Variants in GPX2 observed in about 807,000 individuals in gnomAD.
GPX2 encodes glutathione peroxidase 2, also known as gastrointestinal glutathione peroxidase.
In GPX2, 21 loss-of-function variants were observed where a neutral mutation model predicts 14.1. The observed-to-expected ratio is 1.48, with a 90% CI of 1.05 to 2.14. The LOEUF is 2.14. Among genes scored for constraint, GPX2 ranks in the 30% most tolerant of loss-of-function variants. The pLI is 0.00. For missense variants in GPX2, 241 were observed against 249.8 expected, an observed-to-expected ratio of 0.96 and a Z score of 0.24; for synonymous variants, 94 against 95.2, an observed-to-expected ratio of 0.99 and a Z score of 0.07.
chr14:64,939,667 A>C lies in GPX2; in HGVS notation c.394T>G (p.Ser132Ala). Residue 132 changes from serine to alanine, a missense_variant, in exon 2 of 2, where the codon TCC (serine) becomes GCC (alanine). By Grantham distance (99) the Ser-to-Ala change is moderately conservative. Coordinates refer to ENST00000389614, the MANE Select transcript of GPX2 (RefSeq NM_002083.4). This position sits in a 1 kb window ranked among gnomAD's most constrained non-coding sequence, Gnocchi z 5.7. ...KLPYPYDDPF[S>A]LMTDPKLIIW... The stretch of plus-strand genomic sequence containing the variant: ...ATGAGCTTGGGATCGGTCATGAGGG[A>C]AAATGGGTCATCATAAGGGTAGGGG... 1 of 1,614,088 alleles carries C rather than the reference A, an allele frequency of 6.2e-7. No individual in the cohort carries two copies. Among genetic ancestry groups the C allele is most frequent in the South Asian group, 1.1e-5 (1 of 91,070 alleles).
intron 1 of GPX2, among the ~76,000 whole-genome samples, chr14:64,942,264 G>A (rs1266585540): frequency 2.0e-5 from 3 of 152,224 alleles, no homozygotes; most frequent in African/African-American, 7.2e-5. Context: ...CCTGGAACCA[G>A]CCCTCATGGA....
Position 64,942,712 on chromosome 14 carries a change from G to C in GPX2, c.15C>G (p.Ala5=). 1 of 1,613,902 alleles carries C rather than the reference G, an allele frequency of 6.2e-7. No homozygotes were observed. The highest frequency in any genetic ancestry group is 8.5e-7 in the Non-Finnish European group (1 of 1,179,868). Reference sequence around the variant, plus strand: ...TGGCACTGAGGTCATAGAAGGACTTGGCAATGAAAGCCATGGTGAAGCGCA... The same window carrying C: ...TGGCACTGAGGTCATAGAAGGACTTCGCAATGAAAGCCATGGTGAAGCGCA... MAFI[A]KSFYDLSAIS... The change falls in exon 1 of 2, where the codon GCC becomes GCG. Residue 5 remains alanine, a synonymous_variant. Coordinates refer to ENST00000389614, the MANE Select transcript of GPX2 (RefSeq NM_002083.4).
Position 64,942,495 on chromosome 14 carries a change from G to T in GPX2, c.222+10C>A. ...ACACTTTTGGTGCATTACAAGGAGG[G>T]ACCCCTCACCTGATGTCCAAATTGG... On this transcript the variant is annotated intron_variant, in intron 1 of 1. Transcript: ENST00000389614. 1.2e-6 allele frequency: 2 copies of T among 1,610,244 alleles called. No individual in the cohort carries two copies. Among genetic ancestry groups the T allele is most frequent in the Non-Finnish European group, 1.7e-6 (2 of 1,176,868 alleles).
At position 64,939,541 on chromosome 14, in the gene GPX2, G is replaced by C; in HGVS notation, c.520C>G (p.Pro174Ala). 1 of 1,614,138 alleles carries C rather than the reference G, an allele frequency of 6.2e-7. No homozygotes were observed. ...ATGTCAGGCTCAATGTTGATGGTTG[G>C]GAAGGTGCGGCTGTAGCGTCGGAAG... ...EPFRRYSRTF[P>A]TINIEPDIKR... The change falls in exon 2 of 2, where the codon CCA (proline) becomes GCA (alanine). Residue 174 changes from proline (P) to alanine (A), a missense_variant. Pro to Ala is a conservative substitution (Grantham distance 27). Transcript: ENST00000389614. The surrounding 1 kb of genome is among the most constrained non-coding windows in gnomAD (Gnocchi z 5.7).
At position 64,942,738 on chromosome 14, in the gene GPX2, G is replaced by T; in HGVS notation, c.-12C>A. The T allele has an allele frequency of 6.2e-7, 1 of 1,606,300 alleles. No homozygotes were observed. Among genetic ancestry groups the T allele is most frequent in the Non-Finnish European group, 8.5e-7 (1 of 1,173,812 alleles). On this transcript the variant is annotated 5_prime_UTR_variant, in exon 1 of 2. It adds an upstream start codon to the 5' untranslated region. Transcript: ENST00000389614. ...GCAATGAAAGCCATGGTGAAGCGCA[G>T]AGTGAGCCCCGCAGAGAGGCCTGAG...
In GPX2 at chr14:64,939,967, G is replaced by C. The variant is rs1342430945; in HGVS notation, c.223-129C>G. ...TCTTTTTCACTGTGAAAGAGAGAGA[G>C]ACAAGACAGACGAGGTGTTGCTCAC... is the stretch of plus-strand genomic sequence containing the variant. On this transcript the variant is annotated intron_variant, in intron 1 of 1. Coordinates refer to ENST00000389614, the MANE Select transcript of GPX2 (RefSeq NM_002083.4). The surrounding 1 kb of genome is among the most constrained non-coding windows in gnomAD (Gnocchi z 5.7). 24 of 1,471,172 alleles carry C rather than the reference G, an allele frequency of 1.6e-5. No individual in the cohort carries two copies. The highest frequency in any genetic ancestry group is 2.0e-5 in the Non-Finnish European group (22 of 1,119,184). 91.1% of individuals were successfully genotyped at this position (1,471,172 alleles called of 1,614,324 possible). A position where few individuals can be genotyped will look rare whatever the true frequency, so the allele number is the denominator to read the frequency against.
In GPX2 at chr14:64,940,316, C is replaced by A. The variant is rs1158429612; in HGVS notation, c.223-478G>T. ...ATAAATCCATACCTACACACACACC[C>A]CTTTCCTTTCCTCTGCCCTGGTTTT... On this transcript the variant is annotated intron_variant, in intron 1 of 1. Coordinates refer to ENST00000389614, the MANE Select transcript of GPX2 (RefSeq NM_002083.4). This position sits in a 1 kb window ranked among gnomAD's most constrained non-coding sequence, Gnocchi z 4.5. The A allele has an allele frequency of 3.7e-6, 2 of 542,636 alleles. No individual in the cohort carries two copies. The highest frequency in any genetic ancestry group is 1.9e-5 in the African/African-American group (1 of 51,580). The allele number at this position is 542,636 out of a possible 1,614,324, so 33.6% of individuals were successfully genotyped here. A position where few individuals can be genotyped will look rare whatever the true frequency, so the allele number is the denominator to read the frequency against.
chr14:64,939,528 A>G lies in GPX2; in HGVS notation c.533T>C (p.Ile178Thr), dbSNP rs780705106. 3 of 1,614,110 alleles carry G rather than the reference A, an allele frequency of 1.9e-6. No individual in the cohort carries two copies. Among genetic ancestry groups the G allele is most frequent in the Non-Finnish European group, 2.5e-6 (3 of 1,180,006 alleles). The change falls in exon 2 of 2, where the codon ATT (isoleucine) becomes ACT (threonine). Residue 178 changes from isoleucine to threonine, a missense_variant. Ile to Thr is a moderately conservative substitution (Grantham distance 89, BLOSUM62 -1). Coordinates refer to ENST00000389614, the MANE Select transcript of GPX2 (RefSeq NM_002083.4). The surrounding 1 kb of genome is among the most constrained non-coding windows in gnomAD (Gnocchi z 5.7). ...AAGGAGGCGCTTGATGTCAGGCTCAATGTTGATGGTTGGGAAGGTGCGGCT... is the reference window on the plus strand; with the variant it reads ...AAGGAGGCGCTTGATGTCAGGCTCAGTGTTGATGGTTGGGAAGGTGCGGCT... Reference protein sequence around the residue: ...RYSRTFPTINIEPDIKRLLKV... With the variant: ...RYSRTFPTINTEPDIKRLLKV...
Position 64,939,670 on chromosome 14 carries a change from A to G in GPX2, c.391T>C (p.Phe131Leu). The G allele has an allele frequency of 1.9e-6, 3 of 1,614,068 alleles. No homozygotes were observed. The highest frequency in any genetic ancestry group is 1.7e-4 in the Middle Eastern group (1 of 6,060). ...DKLPYPYDDP[F>L]SLMTDPKLII... The stretch of plus-strand genomic sequence containing the variant: ...AGCTTGGGATCGGTCATGAGGGAAA[A>G]TGGGTCATCATAAGGGTAGGGGAGC... The change falls in exon 2 of 2, where the codon TTT becomes CTT. Residue 131 changes from phenylalanine (F) to leucine (L), a missense_variant. Physicochemically the swap from Phe to Leu is conservative, Grantham distance 22. Coordinates refer to ENST00000389614, the MANE Select transcript of GPX2 (RefSeq NM_002083.4). This position sits in a 1 kb window ranked among gnomAD's most constrained non-coding sequence, Gnocchi z 5.7.
rs761327081 is a variant in GPX2 at position 64,942,500 on chromosome 14, C to T, written c.222+5G>A. 3.1e-6 allele frequency: 5 copies of T among 1,613,108 alleles called. No homozygotes were observed. Among genetic ancestry groups the T allele is most frequent in the African/African-American group, 1.3e-5 (1 of 74,914 alleles). ...TTTGGTGCATTACAAGGAGGGACCC[C>T]TCACCTGATGTCCAAATTGGTTGCA... On this transcript the variant is annotated splice_donor_5th_base_variant and intron_variant, in intron 1 of 1. Coordinates refer to ENST00000389614, the MANE Select transcript of GPX2 (RefSeq NM_002083.4).
intron 1 of GPX2, among the ~76,000 whole-genome samples, chr14:64,942,210 T>C (rs1178980279): frequency 6.6e-6 from 1 of 152,220 alleles, no homozygotes; most frequent in Non-Finnish European, 1.5e-5. Flanking sequence ...AATGAGTGCT[T>C]TCTGTGCCCT....
In GPX2 at chr14:64,940,268, C is replaced by T; in HGVS notation, c.223-430G>A. On this transcript the variant is annotated intron_variant, in intron 1 of 1. Transcript: ENST00000389614. The surrounding 1 kb of genome is among the most constrained non-coding windows in gnomAD (Gnocchi z 4.5). ...ATACTGCTTAGAACCTCCTCTTCAACTAACCTACCGACCCACCTACCCATA... is the reference window on the plus strand; with the variant it reads ...ATACTGCTTAGAACCTCCTCTTCAATTAACCTACCGACCCACCTACCCATA... 2.1e-6 allele frequency: 2 copies of T among 951,844 alleles called. No individual in the cohort carries two copies. The highest frequency in any genetic ancestry group is 1.3e-5 in the South Asian group (1 of 74,348). 59.0% of individuals were successfully genotyped at this position (951,844 alleles called of 1,614,324 possible).
In GPX2 at chr14:64,939,631, G is replaced by C. The variant is rs780512382; in HGVS notation, c.430C>G (p.Pro144Ala). 2 of 1,614,010 alleles carry C rather than the reference G, an allele frequency of 1.2e-6. No homozygotes were observed. The highest frequency in any genetic ancestry group is 2.7e-5 in the African/African-American group (2 of 74,886). The change falls in exon 2 of 2, where the codon CCT becomes GCT. Residue 144 changes from proline to alanine, a missense_variant. By Grantham distance (27) the Pro-to-Ala change is conservative (BLOSUM62 -1). Coordinates refer to ENST00000389614, the MANE Select transcript of GPX2 (RefSeq NM_002083.4). This position sits in a 1 kb window ranked among gnomAD's most constrained non-coding sequence, Gnocchi z 5.7. ...MTDPKLIIWS[P>A]VRRSDVAWNF... ...CAGGCCACATCTGAGCGGCGCACAG[G>C]GCTCCAAATGATGAGCTTGGGATCG... is the stretch of plus-strand genomic sequence containing the variant.
At chr14:64,941,650 C>T in intron 1 of GPX2, 1 of 730,028 alleles carries the variant, frequency 1.4e-6, no homozygotes, top group Non-Finnish European at 1.9e-6. Context: ...CACCTTCATA[C>T]CACTGTGAAT....
At chr14:64,942,436 T>C in intron 1 of GPX2, 69 bp downstream of exon 1, 1 of 1,243,952 alleles carries the variant, frequency 8.0e-7, no homozygotes, top group Non-Finnish European at 1.2e-6. Context: ...TCATTCAGCC[T>C]CTCCTTTTAT....
At position 64,939,510 on chromosome 14, in the gene GPX2, C is replaced by T. The variant is rs757166103; in HGVS notation, c.551G>A (p.Arg184His). The T allele has an allele frequency of 2.4e-5, 39 of 1,613,748 alleles. No homozygotes were observed. The highest frequency in any genetic ancestry group is 1.3e-4 in the Admixed American group (8 of 59,970). The change falls in exon 2 of 2, where the codon CGC becomes CAC. Residue 184 changes from arginine to histidine, a missense_variant. By Grantham distance (29) the Arg-to-His change is conservative. Transcript: ENST00000389614. The surrounding 1 kb of genome is among the most constrained non-coding windows in gnomAD (Gnocchi z 5.7). ...PTINIEPDIK[R>H]LLKVAI Reference sequence around the variant, plus strand: ...CATCTATATGGCAACTTTAAGGAGGCGCTTGATGTCAGGCTCAATGTTGAT... The same window carrying T: ...CATCTATATGGCAACTTTAAGGAGGTGCTTGATGTCAGGCTCAATGTTGAT...
chr14:64,941,327 C>A, intron 1 of GPX2: 2 of 1,183,866 alleles, frequency 1.7e-6, no homozygotes, highest in Non-Finnish European at 2.1e-6. Context: ...CTTAGCCTCC[C>A]AAAGCGCTGG....
In GPX2 at chr14:64,940,798, G is replaced by C. The variant is rs1231964488; in HGVS notation, c.223-960C>G. Among the ~76,000 whole-genome samples the C allele has an allele frequency of 1.3e-5, 2 of 152,114 alleles. No homozygotes were observed. The highest frequency in any genetic ancestry group is 2.9e-5 in the Non-Finnish European group (2 of 68,016). On this transcript the variant is annotated intron_variant, in intron 1 of 1. Transcript: ENST00000389614. The surrounding 1 kb of genome is among the most constrained non-coding windows in gnomAD (Gnocchi z 4.5). ...CTATCCACTCACTGCTCTCAGCTAC[G>C]CATGCTTTGGCTCAAAACCTGGTCC...
rs1174730946 is a variant in GPX2, at chr14:64,939,579, G to A, written c.482C>T (p.Pro161Leu). The A allele has an allele frequency of 2.5e-6, 4 of 1,614,076 alleles. No homozygotes were observed. The Admixed American group carries it at 5.0e-5, about 20-fold the overall frequency. Residue 161 changes from proline (P) to leucine (L), a missense_variant, in exon 2 of 2, where the codon CCG (proline) becomes CTG (leucine). Physicochemically the swap from Pro to Leu is moderately conservative, Grantham distance 98. Coordinates refer to ENST00000389614, the MANE Select transcript of GPX2 (RefSeq NM_002083.4). The surrounding 1 kb of genome is among the most constrained non-coding windows in gnomAD (Gnocchi z 5.7). ...AWNFEKFLIG[P>L]EGEPFRRYSR... Reference sequence around the variant, plus strand: ...GTAGCGTCGGAAGGGCTCTCCCTCCGGCCCTATGAGGAACTTCTCAAAGTT... The same window carrying A: ...GTAGCGTCGGAAGGGCTCTCCCTCCAGCCCTATGAGGAACTTCTCAAAGTT...
Sources: allele counts gnomAD v4.1 joint callset (sites outside exome capture counted in the v4.1 genomes callset), GRCh38; gene constraint gnomAD v4.1.1; non-coding constraint Gnocchi (gnomAD v3.1); transcripts MANE v1.5; gene names NCBI Gene and HGNC (gene_info 2026-07-23, HGNC 2026-07-21).